ANXA4: variants seen among roughly 807,000 people sequenced by gnomAD.
The protein encoded by ANXA4 is annexin A4, also known as 35-beta calcimedin.
In ANXA4, 39 loss-of-function variants were observed where a neutral mutation model predicts 49.8. That is an observed-to-expected ratio of 0.78 (90% CI 0.61 to 1.02). The LOEUF is 1.02. ANXA4 is among the 50% of genes least tolerant of loss of function. The pLI is 0.00. For synonymous variants in ANXA4, 134 were observed against 152.5 expected (o/e 0.88, Z 0.89); for missense variants, 360 against 410.1 (o/e 0.88, Z 1.05).
intron 2 of ANXA4, 50 bp from the exon 3 acceptor site, chr2:69,788,004 G>T: frequency 6.7e-7 from 1 of 1,493,572 alleles, no homozygotes; most frequent in Non-Finnish European, 9.3e-7. Flanking sequence ...AGATGCCTCC[G>T]TGTTGGTGAG....
intron 1 of ANXA4, among the ~76,000 whole-genome samples, chr2:69,756,979 G>A (rs1262425095): frequency 4.1e-5 from 6 of 147,494 alleles, no homozygotes; most frequent in East Asian, 3.9e-4. Flanking sequence ...CCAGGCTGGC[G>A]TGCAGTGGAC....
chr2:69,713,374 T>C (rs74659524), intron 2 of ANXA4, among the ~76,000 whole-genome samples: 3,642 of 152,110 alleles, frequency 0.024, 150 homozygotes, highest in African/African-American at 0.081. Context: ...GATGATAAGA[T>C]TGGAAGAAGC....
chr2:69,691,107 C>T (rs554863630), intron 2 of ANXA4, among the ~76,000 whole-genome samples: 190 of 151,668 alleles, frequency 1.3e-3, no homozygotes, highest in Admixed American at 3.5e-3. Flanking sequence ...GTACCTTTCT[C>T]TTTCTGGTAC....
chr2:69,781,411 G>C, intron 1 of ANXA4, 109 bp from the exon 2 acceptor site: 1 of 828,856 alleles, frequency 1.2e-6, no homozygotes, highest in Middle Eastern at 2.7e-4. Context: ...GATTAAGTTG[G>C]GTGTCATTTC....
intron 1 of ANXA4, among the ~76,000 whole-genome samples, chr2:69,754,274 G>A (rs1434407487): frequency 6.6e-6 from 1 of 152,060 alleles, no homozygotes; most frequent in Non-Finnish European, 1.5e-5. Flanking sequence ...GTCATGATTG[G>A]CGATCTATAC....
At chr2:69,701,900 C>T (rs1678341020) in intron 2 of ANXA4, among the ~76,000 whole-genome samples, 1 of 152,018 alleles carries the variant, frequency 6.6e-6, no homozygotes, top group South Asian at 2.1e-4. Context: ...TGTATGCGTT[C>T]TTAATAAATT....
chr2:69,728,694 T>C (rs1349167875), intron 3 of ANXA4, among the ~76,000 whole-genome samples: 1 of 152,274 alleles, frequency 6.6e-6, no homozygotes, highest in African/African-American at 2.4e-5. Context: ...GGCCTGTTTC[T>C]GCCCTCTGTC....
At chr2:69,655,555 G>A (rs963434016) in intron 2 of ANXA4, among the ~76,000 whole-genome samples, 1 of 152,118 alleles carries the variant, frequency 6.6e-6, no homozygotes, top group Non-Finnish European at 1.5e-5. Context: ...TGTGGAGAAA[G>A]AGCAACGGTT....
At chr2:69,816,275 T>C in intron 9 of ANXA4, 81 bp downstream of exon 9, 2 of 1,158,978 alleles carry the variant, frequency 1.7e-6, no homozygotes, top group Non-Finnish European at 2.6e-6. Flanking sequence ...TTGATAACCT[T>C]CCTCCTTCAG....
chr2:69,662,992 CTTTTT>C lies in ANXA4; in HGVS notation n.766+9724_766+9728del, dbSNP rs746269236. ...ACCAGATGTCCTGGTTTTTCTTTTT[CTTTTT>C]TTTTTTTTTTTTTGAGATGGAGTCT... On this transcript the variant is annotated intron_variant and non_coding_transcript_variant, in intron 2 of 3. Coordinates refer to the ANXA4 transcript ENST00000418066. Among the ~76,000 whole-genome samples, 5 of 123,196 alleles carry C rather than the reference CTTTTT, an allele frequency of 4.1e-5. No homozygotes were observed. The Admixed American group carries it at 5.1e-4, about 13-fold the overall frequency. The allele number at this position is 123,196 out of a possible 152,430, so 80.8% of individuals were successfully genotyped here.
chr2:69,758,247 A>G (rs1239717456), intron 1 of ANXA4, among the ~76,000 whole-genome samples: 2 of 152,182 alleles, frequency 1.3e-5, no homozygotes, highest in Admixed American at 6.5e-5. Context: ...TCCTGGCCTC[A>G]AGTGATCTGC....
chr2:69,718,808 CACAT>C (rs1559107807), intron 2 of ANXA4, among the ~76,000 whole-genome samples: 1 of 151,798 alleles, frequency 6.6e-6, no homozygotes, highest in Non-Finnish European at 1.5e-5. Context: ...TGCATACACA[CACAT>C]GCTGCACACA....
chr2:69,744,251 G>C (rs919224885), intron 1 of ANXA4, among the ~76,000 whole-genome samples: 21 of 152,088 alleles, frequency 1.4e-4, no homozygotes, highest in Non-Finnish European at 1.0e-4. Context: ...AGGCTGCAGT[G>C]AGTTATGATC....
chr2:69,714,458 G>A (rs908206622), intron 2 of ANXA4, among the ~76,000 whole-genome samples: 38 of 152,306 alleles, frequency 2.5e-4, no homozygotes, highest in African/African-American at 8.9e-4. Context: ...ACGGGGCTTC[G>A]GCGAGGGCAC....
rs201294086 is a variant in ANXA4, at chr2:69,729,204, G to GA, written n.864+8335dup. 5.3e-5 allele frequency among the ~76,000 whole-genome samples: 8 copies of GA among 152,198 alleles called. No homozygotes were observed. The East Asian group carries it at 1.5e-3, about 29-fold the overall frequency. ...AATTTTCACATTTTTAGTAGAGACAGAATTTCACCGTGTTGGCCAGTCTGG... is the reference window on the plus strand; with the variant it reads ...AATTTTCACATTTTTAGTAGAGACAGAAATTTCACCGTGTTGGCCAGTCTGG... On this transcript the variant is annotated intron_variant and non_coding_transcript_variant, in intron 3 of 3. Transcript: ENST00000418066.
At chr2:69,655,650 C>A (rs1049482120) in intron 2 of ANXA4, among the ~76,000 whole-genome samples, 1 of 152,094 alleles carries the variant, frequency 6.6e-6, no homozygotes, top group East Asian at 1.9e-4. Context: ...ACCAGAAATA[C>A]CATTTGACCC....
chr2:69,694,522 C>G (rs1678093158), intron 2 of ANXA4, among the ~76,000 whole-genome samples: 1 of 109,456 alleles, frequency 9.1e-6, no homozygotes, highest in African/African-American at 3.4e-5. Flanking sequence ...CCCCCTCCCC[C>G]CTCCCCCCAC....
At chr2:69,656,926 C>T (rs1676523678) in intron 2 of ANXA4, among the ~76,000 whole-genome samples, 1 of 151,970 alleles carries the variant, frequency 6.6e-6, no homozygotes, top group South Asian at 2.1e-4. Flanking sequence ...CTGGAAACAA[C>T]TGTGAAATAT....
intron 2 of ANXA4, among the ~76,000 whole-genome samples, chr2:69,677,291 C>A (rs1464278833): frequency 6.6e-6 from 1 of 151,994 alleles, no homozygotes; most frequent in East Asian, 1.9e-4. Flanking sequence ...AGTGCAATGG[C>A]CCATCTTGGC....
Sources: allele counts gnomAD v4.1 joint callset (sites outside exome capture counted in the v4.1 genomes callset), GRCh38; gene constraint gnomAD v4.1.1; transcripts MANE v1.5; gene names NCBI Gene and HGNC (gene_info 2026-07-23, HGNC 2026-07-21).